LUZP2: variants seen among roughly 807,000 people sequenced by gnomAD.
LUZP2 encodes the protein leucine zipper protein 2.
A neutral mutation model predicts 51.6 loss-of-function variants in LUZP2; 52 were observed. That is an observed-to-expected ratio of 1.01 (90% CI 0.81 to 1.27). LUZP2 has a LOEUF of 1.27. Among genes scored for constraint, LUZP2 ranks in the 50% most tolerant of loss-of-function variants. The pLI is 0.00. For missense variants in LUZP2, 436 were observed against 395.4 expected (o/e 1.10, Z -0.87); for synonymous variants, 154 against 137.3 (o/e 1.12, Z -0.85).
intron 5 of LUZP2, among the ~76,000 whole-genome samples, chr11:24,848,773 T>A (rs1851288220): frequency 6.6e-6 from 1 of 152,118 alleles, no homozygotes; most frequent in Admixed American, 6.6e-5. Flanking sequence ...TTTATGAGAC[T>A]AGCATAATTG....
intron 1 of LUZP2, among the ~76,000 whole-genome samples, chr11:24,574,905 A>G (rs1852592826): frequency 6.6e-6 from 1 of 152,156 alleles, no homozygotes; most frequent in Non-Finnish European, 1.5e-5. Context: ...GCAAGTTTGT[A>G]AAGTAATCCT....
intron 9 of LUZP2, among the ~76,000 whole-genome samples, chr11:25,029,364 C>CCA (rs966224065): frequency 6.6e-6 from 1 of 151,672 alleles, no homozygotes; most frequent in Non-Finnish European, 1.5e-5. Flanking sequence ...TACTAGGTAC[C>CCA]CACACAATTT....
At chr11:24,686,894 A>C (rs1182941920) in intron 1 of LUZP2, among the ~76,000 whole-genome samples, 1 of 152,108 alleles carries the variant, frequency 6.6e-6, no homozygotes, top group Non-Finnish European at 1.5e-5. Context: ...TAACATTGAA[A>C]ATTTATATTT....
rs143484529 is a variant in LUZP2, at chr11:24,999,699, A to G, written c.765+16406A>G. ...CATTTTAAGTGACACATGCAATGTT[A>G]TATATATTTCTAAGCACTTCTCACA... On this transcript the variant is annotated intron_variant, in intron 9 of 11. Coordinates refer to ENST00000336930, the MANE Select transcript of LUZP2 (RefSeq NM_001009909.4). Among the ~76,000 whole-genome samples the G allele has an allele frequency of 4.7e-4, 72 of 152,216 alleles. 1 individual carries two copies. The East Asian group carries it at 0.012, about 26-fold the overall frequency.
chr11:24,955,686 T>C (rs1855192886), intron 7 of LUZP2, among the ~76,000 whole-genome samples: 1 of 152,042 alleles, frequency 6.6e-6, no homozygotes, highest in African/African-American at 2.4e-5. Context: ...GTGGGTGCAT[T>C]CTAAACTAAT....
chr11:24,900,174 T>A (rs1385153448), intron 5 of LUZP2, among the ~76,000 whole-genome samples: 2 of 152,242 alleles, frequency 1.3e-5, no homozygotes, highest in African/African-American at 4.8e-5. Flanking sequence ...CTAAGAGTAT[T>A]ACATTCTAGT....
At chr11:24,608,105 T>G (rs1164685545) in intron 1 of LUZP2, among the ~76,000 whole-genome samples, 4 of 152,166 alleles carry the variant, frequency 2.6e-5, no homozygotes, top group Non-Finnish European at 4.4e-5. Context: ...CACCTCGGCC[T>G]CCTAAAGTGC....
chr11:24,914,665 G>A, intron 7 of LUZP2, 127 bp downstream of exon 7: 1 of 641,186 alleles, frequency 1.6e-6, no homozygotes, highest in South Asian at 2.1e-5. Flanking sequence ...GACTGCATTA[G>A]AAATACTTTC....
chr11:24,526,108 C>T (rs2133812172), intron 1 of LUZP2, among the ~76,000 whole-genome samples: 1 of 150,598 alleles, frequency 6.6e-6, no homozygotes, highest in East Asian at 1.9e-4. Context: ...GTATGAATGA[C>T]ATTTTAAGAT....
In LUZP2 at chr11:24,538,666, G is replaced by GTA. The variant is rs773831580; in HGVS notation, c.62+41362_62+41363insAT. Among the ~76,000 whole-genome samples, 4 of 145,516 alleles carry GTA rather than the reference G, an allele frequency of 2.7e-5. No homozygotes were observed. The South Asian group carries it at 6.4e-4, about 23-fold the overall frequency. ...GTGTTTTTTATATGTGTGTGTGTGT[G>GTA]TGTATATATATATATAAAACTTTCA... On this transcript the variant is annotated intron_variant, in intron 1 of 11. Coordinates refer to ENST00000336930, the MANE Select transcript of LUZP2 (RefSeq NM_001009909.4).
intron 5 of LUZP2, among the ~76,000 whole-genome samples, chr11:24,875,693 G>T (rs948530649): frequency 6.6e-6 from 1 of 150,990 alleles, no homozygotes; most frequent in Non-Finnish European, 1.5e-5. Flanking sequence ...CTTCCACAAT[G>T]GTTGAACTAG....
In LUZP2 at chr11:24,983,337, TG is replaced by T. The variant is rs776628435; in HGVS notation, c.765+45del. The T allele has an allele frequency of 2.7e-5, 43 of 1,580,636 alleles. No individual in the cohort carries two copies. The African/African-American group carries it at 4.1e-4, about 15-fold the overall frequency. On this transcript the variant is annotated intron_variant, in intron 9 of 11. Transcript: ENST00000336930. ...CGCTTTGTAAAGTAACAGCAAGTAA[TG>T]TGTTGTCTTTAAAGCCCAGTATATA...
chr11:25,026,804 A>G (rs1235064417), intron 9 of LUZP2, among the ~76,000 whole-genome samples: 1 of 151,902 alleles, frequency 6.6e-6, no homozygotes, highest in Admixed American at 6.6e-5. Flanking sequence ...CCGAGAAAAG[A>G]AGAAAAAGTA....
At chr11:24,538,931 G>GAA (rs35559863) in intron 1 of LUZP2, among the ~76,000 whole-genome samples, 62,477 of 151,216 alleles carry the variant, frequency 0.41, 13,467 homozygotes, top group African/African-American at 0.51. Flanking sequence ...ATTAAAGAAA[G>GAA]AACAATTTGA....
intron 1 of LUZP2, among the ~76,000 whole-genome samples, chr11:24,550,000 C>G (rs959421593): frequency 1.3e-5 from 2 of 151,980 alleles, no homozygotes; most frequent in Non-Finnish European, 2.9e-5. Flanking sequence ...GAAAACCCAC[C>G]ACCCTCTTCT....
At chr11:24,510,074 G>A (rs1410890534) in intron 1 of LUZP2, among the ~76,000 whole-genome samples, 2 of 152,262 alleles carry the variant, frequency 1.3e-5, no homozygotes, top group Non-Finnish European at 2.9e-5. Flanking sequence ...TATAGATGGA[G>A]AGAATTTTAG....
At chr11:24,706,271 C>T (rs940418121) in intron 1 of LUZP2, among the ~76,000 whole-genome samples, 3 of 151,988 alleles carry the variant, frequency 2.0e-5, no homozygotes, top group South Asian at 2.1e-4. Context: ...AACTGCATAA[C>T]GTTTATTGAA....
intron 5 of LUZP2, among the ~76,000 whole-genome samples, chr11:24,778,651 T>C (rs1849007877): frequency 6.6e-6 from 1 of 151,752 alleles, no homozygotes; most frequent in Non-Finnish European, 1.5e-5. Flanking sequence ...AGAAAGAAAC[T>C]AAATGAAGGA....
chr11:24,822,309 T>C (rs1850385067), intron 5 of LUZP2, among the ~76,000 whole-genome samples: 1 of 152,166 alleles, frequency 6.6e-6, no homozygotes, highest in Non-Finnish European at 1.5e-5. Flanking sequence ...TAAGAAGTTT[T>C]TGTTGCTACT....
Sources: allele counts gnomAD v4.1 joint callset (sites outside exome capture counted in the v4.1 genomes callset), GRCh38; gene constraint gnomAD v4.1.1; transcripts MANE v1.5; gene names NCBI Gene and HGNC (gene_info 2026-07-23, HGNC 2026-07-21).